Variants in KIAA0586 observed in about 807,000 individuals in gnomAD.
KIAA0586 encodes the protein KIAA0586.
KIAA0586 carries 144 observed loss-of-function variants against 169.8 expected under a neutral mutation model. The ratio of observed to expected loss-of-function variants is 0.85; its 90% CI spans 0.74 to 0.97. The LOEUF is 0.97. Ranked by LOEUF, KIAA0586 falls within the 50% of genes least tolerant of loss-of-function variation. The probability of loss-of-function intolerance (pLI) is 0.00; values close to 1 mark genes in which losing one functional copy is unlikely to be tolerated. For missense variants in KIAA0586, 1,854 were observed against 1,823.0 expected (o/e 1.02, Z -0.31); for synonymous variants, 625 against 612.4 (o/e 1.02, Z -0.30).
chr14:58,517,856 G>A (rs1336662010), intron 29 of KIAA0586, among the ~76,000 whole-genome samples: 2 of 152,172 alleles, frequency 1.3e-5, no homozygotes, highest in East Asian at 1.9e-4. Flanking sequence ...TGCATTAAAT[G>A]TAGTGAAAGA....
rs543561061 is a variant in KIAA0586, at chr14:58,533,526, C to A, written c.4430-6545C>A. 1.9e-4 allele frequency among the ~76,000 whole-genome samples: 29 copies of A among 152,096 alleles called. 1 individual carries two copies. Among genetic ancestry groups the A allele is most frequent in the Non-Finnish European group, 3.8e-4 (26 of 68,016 alleles). Reference sequence around the variant, plus strand: ...TTCTGTGAATTCTCTGGGGCAGGGGCCTGACTTTGTTGAATGAGCCAATTG... The same window carrying A: ...TTCTGTGAATTCTCTGGGGCAGGGGACTGACTTTGTTGAATGAGCCAATTG... On this transcript the variant is annotated intron_variant, in intron 29 of 30. Coordinates refer to ENST00000652326, the MANE Select transcript of KIAA0586 (RefSeq NM_001329943.3).
At chr14:58,482,739 T>G in intron 21 of KIAA0586, 27 bp downstream of exon 21, 2 of 1,466,418 alleles carry the variant, frequency 1.4e-6, no homozygotes, top group South Asian at 2.6e-5. Context: ...AGACATTTAT[T>G]GAAGAATAGT....
At chr14:58,432,353 A>G in intron 3 of KIAA0586, 35 bp from the exon 4 acceptor site, 1 of 1,237,064 alleles carries the variant, frequency 8.1e-7, no homozygotes, top group Non-Finnish European at 1.1e-6. Context: ...AATATTCAGG[A>G]ATTTAATATA....
intron 24 of KIAA0586, 113 bp downstream of exon 24, chr14:58,488,987 T>C: frequency 8.7e-7 from 1 of 1,145,190 alleles, no homozygotes; most frequent in Non-Finnish European, 1.2e-6. Context: ...CATGGTATAG[T>C]AGAAAGAATA....
chr14:58,503,893 C>T (rs1054743413), intron 27 of KIAA0586, among the ~76,000 whole-genome samples: 2 of 151,624 alleles, frequency 1.3e-5, no homozygotes, highest in African/African-American at 2.4e-5. Context: ...AGTGAAATTG[C>T]AGCAGGGAGC....
At chr14:58,525,179 A>G (rs1187088170) in intron 29 of KIAA0586, among the ~76,000 whole-genome samples, 1 of 152,182 alleles carries the variant, frequency 6.6e-6, no homozygotes, top group Non-Finnish European at 1.5e-5. Context: ...ATATAGTGTT[A>G]GGGAGATAAA....
At chr14:58,465,334 C>G (rs1361443271) in intron 14 of KIAA0586, among the ~76,000 whole-genome samples, 2 of 152,114 alleles carry the variant, frequency 1.3e-5, no homozygotes, top group Admixed American at 1.3e-4. Flanking sequence ...TGAAAATCAT[C>G]AATTCCAAAA....
intron 4 of KIAA0586, among the ~76,000 whole-genome samples, chr14:58,438,654 C>T (rs991018037): frequency 6.6e-6 from 1 of 152,052 alleles, no homozygotes; most frequent in Non-Finnish European, 1.5e-5. Flanking sequence ...AGCAAGCCTC[C>T]GTTGATAGGT....
chr14:58,444,715 T>C (rs2038706938), intron 6 of KIAA0586, among the ~76,000 whole-genome samples: 1 of 152,090 alleles, frequency 6.6e-6, no homozygotes, highest in African/African-American at 2.4e-5. Context: ...TGAGCTGCCA[T>C]GCCCAGCCAT....
At chr14:58,500,048 G>A (rs1465480962) in intron 27 of KIAA0586, among the ~76,000 whole-genome samples, 1 of 152,146 alleles carries the variant, frequency 6.6e-6, no homozygotes, top group Non-Finnish European at 1.5e-5. Flanking sequence ...TGACACACTG[G>A]AAATAAGGAT....
intron 29 of KIAA0586, among the ~76,000 whole-genome samples, chr14:58,526,862 T>C (rs1349570336): frequency 6.6e-6 from 1 of 152,206 alleles, no homozygotes; most frequent in Non-Finnish European, 1.5e-5. Context: ...TCAGGTCATC[T>C]AAACCTAAAT....
chr14:58,480,270 A>G (rs1010920877), intron 20 of KIAA0586, among the ~76,000 whole-genome samples: 6 of 150,864 alleles, frequency 4.0e-5, no homozygotes, highest in African/African-American at 1.5e-4. Context: ...CATAGGCACT[A>G]TTGACCATCT....
downstream of KIAA0586, among the ~76,000 whole-genome samples, chr14:58,551,935 A>G (rs2032108339): frequency 6.6e-6 from 1 of 152,166 alleles, no homozygotes; most frequent in Non-Finnish European, 1.5e-5. Flanking sequence ...CTTTTCTATC[A>G]TATATCCATA....
chr14:58,514,330 A>G (rs74056176), intron 29 of KIAA0586, among the ~76,000 whole-genome samples: 2,446 of 152,130 alleles, frequency 0.016, 63 homozygotes, highest in African/African-American at 0.056. Flanking sequence ...AAGGAATTCA[A>G]TCCTCTCATA....
At chr14:58,512,699 T>C in intron 29 of KIAA0586, 72 bp downstream of exon 29, 1 of 882,724 alleles carries the variant, frequency 1.1e-6, no homozygotes, top group Admixed American at 3.6e-5. Flanking sequence ...ATGAGAATTC[T>C]TTACTTTTTA....
At chr14:58,516,554 T>C (rs751282922) in intron 29 of KIAA0586, among the ~76,000 whole-genome samples, 1 of 152,196 alleles carries the variant, frequency 6.6e-6, no homozygotes, top group Non-Finnish European at 1.5e-5. Context: ...CAAGGCAGAA[T>C]TTAAAATGTC....
intron 21 of KIAA0586, among the ~76,000 whole-genome samples, chr14:58,484,924 A>ATATATATATTTTTT: frequency 7.7e-5 from 1 of 13,050 alleles, no homozygotes; most frequent in Non-Finnish European, 1.3e-4. Context: ...ATATATATAT[A>ATATATATATTTTTT]TTTTTTTTTT....
the KIAA0586 span, among the ~76,000 whole-genome samples, chr14:58,561,369 A>G: frequency 1.3e-5 from 2 of 152,244 alleles, no homozygotes; most frequent in African/African-American, 4.8e-5. Flanking sequence ...GTGCAAGACC[A>G]TAGTCTTTTA....
At chr14:58,460,466 C>A (rs1039849636) in intron 13 of KIAA0586, among the ~76,000 whole-genome samples, 1 of 151,982 alleles carries the variant, frequency 6.6e-6, no homozygotes, top group Non-Finnish European at 1.5e-5. Flanking sequence ...AGGCGTGGTA[C>A]TAGATGGTAT....
Sources: gnomAD v4.1 joint callset for allele counts (sites outside exome capture counted in the v4.1 genomes callset) on GRCh38, gnomAD v4.1.1 for gene constraint, MANE v1.5 for transcripts, NCBI Gene and HGNC (gene_info 2026-07-23, HGNC 2026-07-21) for gene names.